ZNF880: variants seen among roughly 807,000 people sequenced by gnomAD.
The protein encoded by ZNF880 is zinc finger protein 880.
Under a neutral mutation model 11.8 loss-of-function variants are expected in ZNF880, and 12 were observed. The observed-to-expected ratio is 1.02, with a 90% confidence interval of 0.65 to 1.65. The LOEUF (loss-of-function observed/expected upper bound fraction) is 1.65, where lower values mean the gene tolerates loss of function less well. Among genes scored for constraint, ZNF880 ranks in the 40% most tolerant of loss-of-function variants. ZNF880 has a pLI of 0.00. For missense variants in ZNF880, 601 were observed against 673.9 expected, an observed-to-expected ratio of 0.89 and a Z score of 1.20; for synonymous variants, 210 against 232.4, an observed-to-expected ratio of 0.90 and a Z score of 0.88.
At chr19:52,389,561 G>T (rs2058700138), downstream of ZNF880, 1 of 152,166 alleles carries the variant, frequency 6.6e-6, no homozygotes, top group South Asian at 2.1e-4. Flanking sequence ...GACTTTGCAG[G>T]GTACAGCTCC....
At chr19:52,374,590 G>A (rs1355430808) in intron 3 of ZNF880, 163 bp downstream of exon 3, 2 of 887,820 alleles carry the variant, frequency 2.3e-6, no homozygotes, top group Non-Finnish European at 3.7e-6. Context: ...TCCTTCCTCT[G>A]CTTCCGAAAG....
At chr19:52,371,471 GT>G (rs1181219960) in intron 1 of ZNF880, among the ~76,000 whole-genome samples, 1 of 152,020 alleles carries the variant, frequency 6.6e-6, no homozygotes, top group Non-Finnish European at 1.5e-5. Context: ...TGCCTCCCGG[GT>G]TCAAGTGATT....
intron 3 of ZNF880, among the ~76,000 whole-genome samples, chr19:52,383,339 C>T (rs191330137): frequency 1.9e-4 from 29 of 152,214 alleles, no homozygotes; most frequent in Admixed American, 1.4e-3. Flanking sequence ...GCCATATTTC[C>T]CTGTCCTTTT....
At chr19:52,377,554 A>T (rs1986591171) in intron 3 of ZNF880, among the ~76,000 whole-genome samples, 3 of 152,202 alleles carry the variant, frequency 2.0e-5, no homozygotes, top group Admixed American at 1.3e-4. Flanking sequence ...AACCAATCAC[A>T]AGTAGCAGGT....
In ZNF880 at chr19:52,370,412, T is replaced by C. The variant is rs147804399; in HGVS notation, c.12+435T>C. ...GCTGATTGTGATGTTTCAGCCTCCA[T>C]TGGGCTTTTGCTAACACCTAAATAA... is the stretch of plus-strand genomic sequence containing the variant. On this transcript the variant is annotated intron_variant, in intron 1 of 3. Transcript: ENST00000422689. 2.4e-4 allele frequency: 41 copies of C among 173,860 alleles called. No individual in the cohort carries two copies. The East Asian group carries it at 4.7e-3, about 20-fold the overall frequency. 10.8% of individuals were successfully genotyped at this position (173,860 alleles called of 1,614,324 possible). A position where few individuals can be genotyped will look rare whatever the true frequency, so the allele number is the denominator to read the frequency against.
chr19:52,385,664 C>A lies in ZNF880; in HGVS notation c.*350C>A. 1 of 179,986 alleles carries A rather than the reference C, an allele frequency of 5.6e-6. No homozygotes were observed. The highest frequency in any genetic ancestry group is 1.1e-4 in the South Asian group (1 of 8,914). 11.1% of individuals were successfully genotyped at this position (179,986 alleles called of 1,614,324 possible). A position where few individuals can be genotyped will look rare whatever the true frequency, so the allele number is the denominator to read the frequency against. ...TCTCCAATATTTATGATACTGCATGCTGCAGAAAAGTCACAGCTCCAAATA... is the reference window on the plus strand; with the variant it reads ...TCTCCAATATTTATGATACTGCATGATGCAGAAAAGTCACAGCTCCAAATA... On this transcript the variant is annotated 3_prime_UTR_variant, in exon 4 of 4. Transcript: ENST00000422689.
At chr19:52,395,014 A>G in the ZNF880 span, among the ~76,000 whole-genome samples, 1 of 152,170 alleles carries the variant, frequency 6.6e-6, no homozygotes, top group Non-Finnish European at 1.5e-5. Flanking sequence ...TCTAGACCAC[A>G]TTTGCAAACT....
At chr19:52,396,197 C>A in the ZNF880 span, 1 of 150,946 alleles carries the variant, frequency 6.6e-6, no homozygotes, top group Admixed American at 6.6e-5. Context: ...CTCTAATTCC[C>A]GACCTCAGGT....
chr19:52,397,594 T>C, the ZNF880 span: 1 of 152,198 alleles, frequency 6.6e-6, no homozygotes, highest in East Asian at 1.9e-4. Flanking sequence ...CCAGGGTAGG[T>C]GGGACTTGAA....
At chr19:52,377,083 CTT>C (rs1488022080) in intron 3 of ZNF880, among the ~76,000 whole-genome samples, 1 of 152,112 alleles carries the variant, frequency 6.6e-6, no homozygotes, top group Non-Finnish European at 1.5e-5. Flanking sequence ...AAAGGGGTCT[CTT>C]TTTCCCATGG....
chr19:52,371,339 A>C (rs1986364742), intron 1 of ZNF880, among the ~76,000 whole-genome samples: 1 of 151,194 alleles, frequency 6.6e-6, no homozygotes, highest in South Asian at 2.1e-4. Context: ...CTGATCTGTT[A>C]TTGTTTGATG....
At chr19:52,386,561 G>A (rs186891840), downstream of ZNF880, among the ~76,000 whole-genome samples, 10 of 143,640 alleles carry the variant, frequency 7.0e-5, 1 homozygote, top group East Asian at 2.0e-3. Context: ...CCAGCACTTT[G>A]GGAGGCAAGG....
Position 52,385,114 on chromosome 19 carries a change from C to G in ZNF880, c.1534C>G (p.Gln512Glu), listed in dbSNP as rs764279021. 5.8e-6 allele frequency: 9 copies of G among 1,552,398 alleles called. No individual in the cohort carries two copies. Among genetic ancestry groups the G allele is most frequent in the Non-Finnish European group, 6.1e-6 (7 of 1,148,304 alleles). The change falls in exon 4 of 4, where the codon CAA becomes GAA. Residue 512 changes from glutamine to glutamate, a missense_variant. Physicochemically the swap from Gln to Glu is conservative, Grantham distance 29. Coordinates refer to ENST00000422689, the MANE Select transcript of ZNF880 (RefSeq NM_001145434.2). ...CAATTCACACCTTGCACGACATAGG[C>G]AAATTCATACTGGAGAGAAGTCTTA... Reference protein sequence around the residue: ...SHNSHLARHRQIHTGEKSYKC... With the variant: ...SHNSHLARHREIHTGEKSYKC...
At chr19:52,379,533 T>A (rs1986650836) in intron 3 of ZNF880, 1 of 428,476 alleles carries the variant, frequency 2.3e-6, no homozygotes. Context: ...AGTGCTAGGA[T>A]TACAGGCGTG....
intron 1 of ZNF880, 113 bp downstream of exon 1, chr19:52,370,090 C>T: frequency 7.4e-7 from 1 of 1,349,512 alleles, no homozygotes; most frequent in Non-Finnish European, 1.0e-6. Context: ...CTCCCTCCAC[C>T]CCGACTAAAC....
upstream of ZNF880, chr19:52,369,892 T>C: frequency 1.9e-6 from 3 of 1,546,950 alleles, 1 homozygote; most frequent in East Asian, 4.9e-5. Context: ...CACCCGGGCC[T>C]GGCCTCGCCT....
chr19:52,377,099 CTG>C (rs1378064290), intron 3 of ZNF880, among the ~76,000 whole-genome samples: 1 of 152,098 alleles, frequency 6.6e-6, no homozygotes, highest in Non-Finnish European at 1.5e-5. Context: ...CCCATGGTCT[CTG>C]TTTCTGTAGT....
At chr19:52,386,456 G>C (rs1986890196), downstream of ZNF880, among the ~76,000 whole-genome samples, 1 of 142,836 alleles carries the variant, frequency 7.0e-6, no homozygotes, top group African/African-American at 2.7e-5. Context: ...CAAGGGAGAT[G>C]GTGGGCACTA....
chr19:52,384,045 C>T lies in ZNF880; in HGVS notation c.465C>T (p.Ser155=). The change falls in exon 4 of 4, where the codon TCC becomes TCT. Residue 155 remains serine (S), a synonymous_variant. Transcript: ENST00000422689. ...PLQKIYSSVK[S]HILNKYRNDF... ...AAAAAATTTATTCTAGTGTCAAATC[C>T]CACATTTTAAATAAATACAGAAATG... 1 of 1,560,146 alleles carries T rather than the reference C, an allele frequency of 6.4e-7. No individual in the cohort carries two copies.
Sources: allele counts gnomAD v4.1 joint callset (sites outside exome capture counted in the v4.1 genomes callset), GRCh38; gene constraint gnomAD v4.1.1; transcripts MANE v1.5; gene names NCBI Gene and HGNC (gene_info 2026-07-23, HGNC 2026-07-21).